The following PPP1R12A variants were observed in gnomAD, a reference collection of about 807,000 sequenced individuals.
PPP1R12A encodes protein phosphatase 1 regulatory subunit 12A.
PPP1R12A carries 19 observed loss-of-function variants against 139.6 expected under a neutral mutation model. The observed-to-expected ratio is 0.14, with a 90% CI of 0.09 to 0.20. The LOEUF (loss-of-function observed/expected upper bound fraction) is 0.20, where lower values mean the gene tolerates loss of function less well. PPP1R12A is among the 10% of genes least tolerant of loss of function. The probability of loss-of-function intolerance (pLI) is 1.00; values close to 1 mark genes in which losing one functional copy is unlikely to be tolerated. For synonymous variants in PPP1R12A, 427 were observed against 420.6 expected, an observed-to-expected ratio of 1.02 and a Z score of -0.19; for missense variants, 925 against 1,211.5, an observed-to-expected ratio of 0.76 and a Z score of 3.51.
chr12:79,876,189 A>G (rs1185902803), intron 1 of PPP1R12A, among the ~76,000 whole-genome samples: 1 of 152,032 alleles, frequency 6.6e-6, no homozygotes, highest in Admixed American at 6.6e-5. Context: ...CCCCCTCCCT[A>G]CCATTTTATA....
intron 4 of PPP1R12A, among the ~76,000 whole-genome samples, chr12:79,830,919 G>A (rs1877341755): frequency 6.6e-6 from 1 of 152,136 alleles, no homozygotes; most frequent in South Asian, 2.1e-4. Context: ...ACAGTGTCTA[G>A]ATAATGAAGA....
intron 1 of PPP1R12A, among the ~76,000 whole-genome samples, chr12:79,915,375 G>T (rs1886911569): frequency 6.6e-6 from 1 of 152,104 alleles, no homozygotes; most frequent in Admixed American, 6.5e-5. Context: ...TCATTGCTAA[G>T]ATCTGCTGAA....
chr12:79,873,286 A>G (rs1478253572), intron 1 of PPP1R12A, among the ~76,000 whole-genome samples: 2 of 152,114 alleles, frequency 1.3e-5, no homozygotes, highest in Non-Finnish European at 2.9e-5. Flanking sequence ...AAGGGGGAGT[A>G]GATTCCTTTA....
chr12:79,925,947 T>C (rs1302456868), intron 1 of PPP1R12A, among the ~76,000 whole-genome samples: 3 of 152,186 alleles, frequency 2.0e-5, no homozygotes, highest in African/African-American at 7.2e-5. Context: ...TCTTTATTGG[T>C]AGAGACACCG....
chr12:79,856,306 A>G (rs1312058243), intron 2 of PPP1R12A, among the ~76,000 whole-genome samples: 4 of 152,248 alleles, frequency 2.6e-5, no homozygotes, highest in Non-Finnish European at 5.9e-5. Context: ...CCAAGAAATT[A>G]TGGCTCCAAT....
At chr12:79,781,488 A>G (rs1163311080) in intron 23 of PPP1R12A, among the ~76,000 whole-genome samples, 1 of 152,108 alleles carries the variant, frequency 6.6e-6, no homozygotes, top group Admixed American at 6.6e-5. Context: ...TTTTAGGTAC[A>G]GGCCATAAGA....
chr12:79,877,113 A>C (rs577115101), intron 1 of PPP1R12A, among the ~76,000 whole-genome samples: 1 of 152,268 alleles, frequency 6.6e-6, no homozygotes, highest in South Asian at 2.1e-4. Context: ...CAAGTAATTT[A>C]ATCTTTTTGG....
rs1875565472 is a variant in PPP1R12A at position 79,817,595 on chromosome 12, T to G, written c.1115-77A>C. ...ATGGCTGGGAAAAAATCATTTTATA[T>G]TCCATTTTTGTTTAAGGTTTTGTTA... is the stretch of plus-strand genomic sequence containing the variant. On this transcript the variant is annotated intron_variant, in intron 8 of 24. Coordinates refer to ENST00000450142, the MANE Select transcript of PPP1R12A (RefSeq NM_002480.3). The G allele has an allele frequency of 4.4e-6, 6 of 1,373,214 alleles. No homozygotes were observed. In the Admixed American group the frequency reaches 1.6e-4, roughly 36 times the overall value. The allele number at this position is 1,373,214 out of a possible 1,614,324, so 85.1% of individuals were successfully genotyped here.
chr12:79,860,622 T>C (rs1237150393), intron 2 of PPP1R12A, among the ~76,000 whole-genome samples: 1 of 152,250 alleles, frequency 6.6e-6, no homozygotes, highest in Non-Finnish European at 1.5e-5. Context: ...GATAGTTTTT[T>C]AAACTTTTTT....
intron 3 of PPP1R12A, among the ~76,000 whole-genome samples, chr12:79,838,327 G>C (rs1349314901): frequency 6.6e-6 from 1 of 152,206 alleles, no homozygotes; most frequent in Non-Finnish European, 1.5e-5. Flanking sequence ...GTGTTCAAAA[G>C]GAAGCAGAGC....
intron 14 of PPP1R12A, among the ~76,000 whole-genome samples, chr12:79,804,066 C>T (rs1046711787): frequency 6.6e-6 from 1 of 151,906 alleles, no homozygotes; most frequent in Non-Finnish European, 1.5e-5. Context: ...AATCAAACAC[C>T]TCATTTAACA....
chr12:79,838,771 G>C (rs1479902293), intron 3 of PPP1R12A, among the ~76,000 whole-genome samples: 1 of 152,244 alleles, frequency 6.6e-6, no homozygotes, highest in Non-Finnish European at 1.5e-5. Flanking sequence ...AGATTTCAGA[G>C]GGTGTATGGA....
rs748409263 is a variant in PPP1R12A, at chr12:79,934,948, G to T, written c.-17C>A. ...CATCTTCATCCCCTCTCCTGCCGCC[G>T]GGTCTTCTTATCGCGAGGGGGGGAA... On this transcript the variant is annotated 5_prime_UTR_variant, in exon 1 of 25. Transcript: ENST00000450142. 5 of 1,571,052 alleles carry T rather than the reference G, an allele frequency of 3.2e-6. No individual in the cohort carries two copies. Among genetic ancestry groups the T allele is most frequent in the African/African-American group, 1.3e-5 (1 of 74,134 alleles).
chr12:79,831,893 T>C (rs1006411833), intron 4 of PPP1R12A, among the ~76,000 whole-genome samples: 2 of 152,170 alleles, frequency 1.3e-5, no homozygotes, highest in African/African-American at 2.4e-5. Flanking sequence ...AGTGTTCATG[T>C]AGTAAAAAAG....
chr12:79,807,973 T>C (rs1191466176), intron 11 of PPP1R12A, among the ~76,000 whole-genome samples: 3 of 151,660 alleles, frequency 2.0e-5, no homozygotes, highest in South Asian at 2.1e-4. Context: ...GAGGTGGAGG[T>C]TGCAGTGAGC....
At chr12:79,836,640 T>C (rs1352481932) in intron 3 of PPP1R12A, among the ~76,000 whole-genome samples, 3 of 152,186 alleles carry the variant, frequency 2.0e-5, no homozygotes, top group African/African-American at 7.2e-5. Flanking sequence ...ACCTTTCTCT[T>C]GTTCTTAAAT....
chr12:79,819,931 TAA>T (rs36125158), intron 8 of PPP1R12A, among the ~76,000 whole-genome samples: 1 of 139,432 alleles, frequency 7.2e-6, no homozygotes, highest in Admixed American at 7.2e-5. Context: ...ATACAATAGC[TAA>T]AAAAAAAAAA....
chr12:79,935,441 C>T, upstream of PPP1R12A: 1 of 989,212 alleles, frequency 1.0e-6, no homozygotes, highest in African/African-American at 1.7e-5. Flanking sequence ...CCGCAAGGCT[C>T]TACAGGGCAG....
intron 23 of PPP1R12A, 156 bp from the exon 24 acceptor site, chr12:79,778,756 A>C (rs1870050320): frequency 2.3e-6 from 1 of 433,868 alleles, no homozygotes; most frequent in Admixed American, 3.8e-5. Flanking sequence ...GCTTTCCAAA[A>C]TTTGACAAAA....
Sources: gnomAD v4.1 joint callset for allele counts (sites outside exome capture counted in the v4.1 genomes callset) on GRCh38, gnomAD v4.1.1 for gene constraint, MANE v1.5 for transcripts, NCBI Gene and HGNC (gene_info 2026-07-23, HGNC 2026-07-21) for gene names.